Variants in PCDH7 observed in about 807,000 individuals in gnomAD.
The protein encoded by PCDH7 is protocadherin 7, also known as protocadherin-7.
A neutral mutation model predicts 58.9 loss-of-function variants in PCDH7; 17 were observed. The observed-to-expected ratio is 0.29, with a 90% CI of 0.20 to 0.43. The LOEUF is 0.43. Ranked by LOEUF, PCDH7 falls within the 20% of genes least tolerant of loss-of-function variation. The pLI is 1.00. For missense variants in PCDH7, 1,274 were observed against 1,441.0 expected, an observed-to-expected ratio of 0.88 and a Z score of 1.88; for synonymous variants, 664 against 616.4, an observed-to-expected ratio of 1.08 and a Z score of -1.14.
intron 3 of PCDH7, among the ~76,000 whole-genome samples, chr4:31,134,448 G>C (rs1719353713): frequency 6.6e-6 from 1 of 152,162 alleles, no homozygotes; most frequent in Admixed American, 6.5e-5. Context: ...GACAGAGCTA[G>C]ACTCCATCTC....
intron 2 of PCDH7, among the ~76,000 whole-genome samples, chr4:30,948,268 A>G (rs1378592642): frequency 1.3e-5 from 2 of 151,570 alleles, no homozygotes; most frequent in African/African-American, 4.9e-5. Context: ...TAAAAGTCTT[A>G]GCATATTAGC....
intron 1 of PCDH7, among the ~76,000 whole-genome samples, chr4:30,821,116 G>A (rs536761214): frequency 1.3e-5 from 2 of 152,098 alleles, no homozygotes; most frequent in Non-Finnish European, 2.9e-5. Flanking sequence ...GACCCATTTC[G>A]CAGATGAGGA....
At chr4:30,833,438 T>C (rs1438347757) in intron 1 of PCDH7, among the ~76,000 whole-genome samples, 1 of 152,158 alleles carries the variant, frequency 6.6e-6, no homozygotes, top group Non-Finnish European at 1.5e-5. Flanking sequence ...CACTGACTCT[T>C]CCGCCTTCTG....
chr4:31,033,424 G>A lies in PCDH7; in HGVS notation c.*7+83209G>A, dbSNP rs1482865643. On this transcript the variant is annotated intron_variant, in intron 3 of 3. Transcript: ENST00000509759. ...ATTTCAATGCATTGTATTAATAATA[G>A]AAATATAACAAAATGGAGTAAGAGG... Among the ~76,000 whole-genome samples, 4 of 152,160 alleles carry A rather than the reference G, an allele frequency of 2.6e-5. No individual in the cohort carries two copies. The East Asian group carries it at 5.8e-4, about 22-fold the overall frequency.
chr4:31,033,097 C>T (rs1755099003), intron 3 of PCDH7, among the ~76,000 whole-genome samples: 1 of 151,972 alleles, frequency 6.6e-6, no homozygotes, highest in African/African-American at 2.4e-5. Flanking sequence ...GTAATATTAT[C>T]TGATTTTTTT....
chr4:30,893,023 A>C lies in PCDH7; in HGVS notation c.71-27130A>C, dbSNP rs145460044. On this transcript the variant is annotated intron_variant, in intron 1 of 3. Coordinates refer to the PCDH7 transcript ENST00000509759. ...AACAGCTGCCTCTGCATCAAGTCTG[A>C]CTGTCATATTGGAGTGTGACTATCA... is the stretch of plus-strand genomic sequence containing the variant. Among the ~76,000 whole-genome samples the C allele has an allele frequency of 2.8e-4, 42 of 152,166 alleles. No homozygotes were observed. In the East Asian group the frequency reaches 7.9e-3, roughly 29 times the overall value.
intron 3 of PCDH7, among the ~76,000 whole-genome samples, chr4:31,090,061 C>G (rs1713028151): frequency 5.9e-5 from 9 of 152,010 alleles, no homozygotes; most frequent in Admixed American, 5.9e-4. Flanking sequence ...ACCCCTTTCT[C>G]TCCTTTGATT....
At chr4:30,859,260 G>A (rs994239210) in intron 1 of PCDH7, among the ~76,000 whole-genome samples, 9 of 152,074 alleles carry the variant, frequency 5.9e-5, no homozygotes, top group African/African-American at 2.2e-4. Flanking sequence ...TAACCACACA[G>A]CATTTTAAAT....
At chr4:31,003,494 GT>G (rs1033507437) in intron 3 of PCDH7, among the ~76,000 whole-genome samples, 4 of 151,442 alleles carry the variant, frequency 2.6e-5, no homozygotes, top group Non-Finnish European at 5.9e-5. Context: ...TTGGGATTTT[GT>G]TTTGGATTTT....
intron 3 of PCDH7, among the ~76,000 whole-genome samples, chr4:31,021,211 G>T (rs575714990): frequency 1.3e-5 from 2 of 152,254 alleles, no homozygotes; most frequent in East Asian, 3.9e-4. Context: ...CAGAGAATTA[G>T]ATGCCATTAC....
intron 3 of PCDH7, among the ~76,000 whole-genome samples, chr4:30,978,863 C>T (rs867320567): frequency 2.0e-5 from 3 of 151,966 alleles, no homozygotes; most frequent in African/African-American, 4.8e-5. Flanking sequence ...ACAATTTTCA[C>T]TGATGTAAAA....
At chr4:31,113,902 A>C (rs1578833363) in intron 3 of PCDH7, among the ~76,000 whole-genome samples, 1 of 141,872 alleles carries the variant, frequency 7.0e-6, no homozygotes, top group African/African-American at 2.7e-5. Context: ...GCACAATCTC[A>C]GCTCACTGCA....
At chr4:30,984,475 C>G (rs745316794) in intron 3 of PCDH7, among the ~76,000 whole-genome samples, 2 of 152,124 alleles carry the variant, frequency 1.3e-5, no homozygotes, top group Non-Finnish European at 2.9e-5. Context: ...TCTTTAGTTT[C>G]TTCACACATA....
intron 2 of PCDH7, among the ~76,000 whole-genome samples, chr4:30,932,311 G>A (rs1744745995): frequency 6.6e-6 from 1 of 152,094 alleles, no homozygotes; most frequent in Non-Finnish European, 1.5e-5. Context: ...ACCATCCAAG[G>A]AAAGAAATGC....
intron 3 of PCDH7, among the ~76,000 whole-genome samples, chr4:31,052,903 C>T (rs1236764427): frequency 2.0e-5 from 3 of 152,054 alleles, no homozygotes; most frequent in East Asian, 1.9e-4. Flanking sequence ...ATTTATGTAA[C>T]AATTTTTTCT....
chr4:30,958,990 G>T (rs1020431726), intron 3 of PCDH7, among the ~76,000 whole-genome samples: 2 of 152,066 alleles, frequency 1.3e-5, no homozygotes, highest in Admixed American at 6.6e-5. Context: ...TTTCAATAGT[G>T]TGAGGCTCAA....
At chr4:30,949,076 T>G (rs1019328797) in intron 2 of PCDH7, among the ~76,000 whole-genome samples, 2 of 152,198 alleles carry the variant, frequency 1.3e-5, no homozygotes, top group Non-Finnish European at 2.9e-5. Context: ...ATCAATGTCC[T>G]AGCCCTTGTG....
At chr4:30,850,951 G>T (rs1050277848) in intron 1 of PCDH7, among the ~76,000 whole-genome samples, 1 of 152,018 alleles carries the variant, frequency 6.6e-6, no homozygotes, top group Non-Finnish European at 1.5e-5. Context: ...ATGTATGCCT[G>T]GTCTCTATTT....
chr4:30,947,615 G>T (rs1482658494), intron 2 of PCDH7, among the ~76,000 whole-genome samples: 1 of 152,084 alleles, frequency 6.6e-6, no homozygotes, highest in Admixed American at 6.6e-5. Flanking sequence ...ACCTAGCGAT[G>T]ATTCAATGCA....
Sources: gnomAD v4.1 joint callset for allele counts (sites outside exome capture counted in the v4.1 genomes callset) on GRCh38, gnomAD v4.1.1 for gene constraint, MANE v1.5 for transcripts, NCBI Gene and HGNC (gene_info 2026-07-23, HGNC 2026-07-21) for gene names.